The following COL24A1 variants were observed in gnomAD, a reference collection of about 807,000 sequenced individuals.
COL24A1 encodes collagen type XXIV alpha 1 chain, also known as collagen alpha-1(XXIV) chain.
In COL24A1, 224 loss-of-function variants were observed where a neutral mutation model predicts 253.9. That is an observed-to-expected ratio of 0.88 (90% CI 0.79 to 0.99). COL24A1 has a LOEUF of 0.99. Ranked by LOEUF, COL24A1 falls within the 50% of genes least tolerant of loss-of-function variation. The pLI is 0.00. For missense variants in COL24A1, 2,131 were observed against 2,068.5 expected (o/e 1.03, Z -0.59); for synonymous variants, 685 against 673.7 (o/e 1.02, Z -0.26).
At chr1:85,936,786 T>A (rs12751687) in intron 24 of COL24A1, among the ~76,000 whole-genome samples, 32,763 of 146,560 alleles carry the variant, frequency 0.22, 6,314 homozygotes, top group Non-Finnish European at 0.26. Flanking sequence ...AAGATCACAG[T>A]GCAGGCTCCT....
chr1:85,926,037 A>G (rs1051752014), intron 24 of COL24A1, among the ~76,000 whole-genome samples: 2 of 152,256 alleles, frequency 1.3e-5, no homozygotes, highest in Non-Finnish European at 2.9e-5. Flanking sequence ...ACTTCTCAAA[A>G]GAAGACATTT....
At chr1:85,947,611 T>TA (rs1252012323) in intron 24 of COL24A1, among the ~76,000 whole-genome samples, 1 of 152,132 alleles carries the variant, frequency 6.6e-6, no homozygotes, top group Non-Finnish European at 1.5e-5. Flanking sequence ...ATAATTCTGT[T>TA]ATGGGCAACA....
At chr1:86,094,036 T>C (rs1703711588) in intron 5 of COL24A1, among the ~76,000 whole-genome samples, 1 of 152,180 alleles carries the variant, frequency 6.6e-6, no homozygotes, top group Admixed American at 6.5e-5. Context: ...TATACACTGT[T>C]GGTGGGAGTA....
chr1:85,812,429 G>T (rs988781168), intron 47 of COL24A1, among the ~76,000 whole-genome samples: 4 of 152,208 alleles, frequency 2.6e-5, no homozygotes, highest in African/African-American at 9.6e-5. Context: ...GTTTCAGGCT[G>T]CATTAGAGCT....
In COL24A1 at chr1:86,138,848, C is replaced by CTTTTT. The variant is rs140109854; in HGVS notation, c.121+7266_121+7270dup. Among the ~76,000 whole-genome samples, 1,335 of 148,728 alleles carry CTTTTT rather than the reference C, an allele frequency of 9.0e-3. 23 individuals carry two copies. Among genetic ancestry groups the CTTTTT allele is most frequent in the East Asian group, 0.07 (357 of 5,076 alleles). On this transcript the variant is annotated intron_variant, in intron 2 of 59. Coordinates refer to ENST00000370571, the MANE Select transcript of COL24A1 (RefSeq NM_152890.7). Reference sequence around the variant, plus strand: ...TTCTTGCCATAACAAAGCTTATCTGCTTTTTTTTTTATCTCATCCCGTCAG... The same window carrying CTTTTT: ...TTCTTGCCATAACAAAGCTTATCTGCTTTTTTTTTTTTTTTATCTCATCCCGTCAG...
At chr1:85,839,336 A>G (rs1267683998) in intron 42 of COL24A1, among the ~76,000 whole-genome samples, 14 of 152,218 alleles carry the variant, frequency 9.2e-5, no homozygotes, top group Non-Finnish European at 2.9e-5. Context: ...AGGACAGTTC[A>G]GTACATAATT....
At chr1:86,022,730 A>G in intron 16 of COL24A1, 103 bp downstream of exon 16, 2 of 1,228,724 alleles carry the variant, frequency 1.6e-6, no homozygotes, top group Non-Finnish European at 2.2e-6. Context: ...TGATACTACA[A>G]ATTAGACTCC....
chr1:86,156,049 T>C, intron 1 of COL24A1: 1 of 312,916 alleles, frequency 3.2e-6, no homozygotes, highest in Non-Finnish European at 5.8e-6. Context: ...CTCTGGAGCT[T>C]AGGGAGCCGC....
intron 19 of COL24A1, among the ~76,000 whole-genome samples, chr1:86,001,429 A>AT (rs1199386895): frequency 6.6e-6 from 1 of 152,196 alleles, no homozygotes; most frequent in African/African-American, 2.4e-5. Context: ...GTAGATGACC[A>AT]TTTGCATGGT....
chr1:85,767,103 CAATAAT>C lies in COL24A1; in HGVS notation c.4375-5543_4375-5538del, dbSNP rs67386357. 5.4e-3 allele frequency among the ~76,000 whole-genome samples: 785 copies of C among 145,420 alleles called. 4 individuals are homozygous for C. Among genetic ancestry groups the C allele is most frequent in the African/African-American group, 0.017 (655 of 39,552 alleles). ...TGGGTGACAGAGTGAGACTCCGTCT[CAATAAT>C]AATAATAATAATAATAATAATAATA... On this transcript the variant is annotated intron_variant, in intron 53 of 59. Transcript: ENST00000370571.
intron 43 of COL24A1, among the ~76,000 whole-genome samples, chr1:85,832,297 G>T (rs1315422584): frequency 2.6e-5 from 4 of 152,060 alleles, no homozygotes; most frequent in African/African-American, 9.6e-5. Context: ...TCTCTGTTTT[G>T]GTACCAGTAC....
chr1:85,841,882 G>T (rs1011961715), intron 41 of COL24A1, among the ~76,000 whole-genome samples, 186 bp downstream of exon 41: 3 of 152,106 alleles, frequency 2.0e-5, no homozygotes, highest in Non-Finnish European at 4.4e-5. Flanking sequence ...ACCCATGGAA[G>T]ATATTTTAAT....
At chr1:86,122,798 C>T (rs1647581022) in intron 3 of COL24A1, among the ~76,000 whole-genome samples, 1 of 152,006 alleles carries the variant, frequency 6.6e-6, no homozygotes. Context: ...TCCTTTAACA[C>T]CAAGATGGTA....
intron 40 of COL24A1, 91 bp from the exon 41 acceptor site, chr1:85,842,212 G>A: frequency 1.4e-6 from 2 of 1,398,504 alleles, no homozygotes; most frequent in Non-Finnish European, 2.0e-6. Flanking sequence ...TCACTGTCTA[G>A]GAGGATGAGA....
At chr1:85,859,570 A>G (rs1678901628) in intron 37 of COL24A1, among the ~76,000 whole-genome samples, 1 of 151,958 alleles carries the variant, frequency 6.6e-6, no homozygotes, top group South Asian at 2.1e-4. Flanking sequence ...TTTGTTCAGT[A>G]TTTTTCTCTT....
intron 43 of COL24A1, among the ~76,000 whole-genome samples, chr1:85,836,616 T>C (rs535219373): frequency 9.2e-5 from 14 of 152,338 alleles, no homozygotes; most frequent in African/African-American, 3.4e-4. Context: ...GGTGGATATT[T>C]CATGATTTTG....
chr1:85,800,234 CTTTAAA>C (rs911722576), intron 47 of COL24A1, among the ~76,000 whole-genome samples: 1 of 152,154 alleles, frequency 6.6e-6, no homozygotes, highest in African/African-American at 2.4e-5. Context: ...TAACTTTCTA[CTTTAAA>C]TTTATTCTCT....
chr1:85,732,377 C>T (rs1663586148), intron 59 of COL24A1, among the ~76,000 whole-genome samples: 1 of 151,972 alleles, frequency 6.6e-6, no homozygotes, highest in African/African-American at 2.4e-5. Flanking sequence ...CTACAGGTGT[C>T]TGCCACCACG....
intron 19 of COL24A1, among the ~76,000 whole-genome samples, chr1:86,008,214 C>A (rs1696147792): frequency 6.6e-6 from 1 of 152,056 alleles, no homozygotes; most frequent in South Asian, 2.1e-4. Flanking sequence ...TAATAATGAT[C>A]CCTGATTTAA....
Sources: allele counts gnomAD v4.1 joint callset (sites outside exome capture counted in the v4.1 genomes callset), GRCh38; gene constraint gnomAD v4.1.1; transcripts MANE v1.5; gene names NCBI Gene and HGNC (gene_info 2026-07-23, HGNC 2026-07-21).